DLGAP1: variants seen among roughly 807,000 people sequenced by gnomAD.
DLGAP1 encodes DLG associated protein 1.
DLGAP1 carries 11 observed loss-of-function variants against 90.8 expected under a neutral mutation model. The ratio of observed to expected loss-of-function variants is 0.12; its 90% CI spans 0.08 to 0.20. The LOEUF (loss-of-function observed/expected upper bound fraction) is 0.20. Among genes scored for constraint, DLGAP1 ranks in the 10% least tolerant of loss-of-function variants. DLGAP1 has a pLI of 1.00. For missense variants in DLGAP1, 1,050 were observed against 1,333.8 expected, an observed-to-expected ratio of 0.79 and a Z score of 3.31; for synonymous variants, 558 against 540.7, an observed-to-expected ratio of 1.03 and a Z score of -0.44.
At chr18:3,638,533 G>T (rs1028133994) in intron 7 of DLGAP1, among the ~76,000 whole-genome samples, 1 of 152,186 alleles carries the variant, frequency 6.6e-6, no homozygotes, top group South Asian at 2.1e-4. Flanking sequence ...TTACAGGTGT[G>T]AGCCAACATG....
intron 1 of DLGAP1, among the ~76,000 whole-genome samples, chr18:4,201,634 C>A (rs1218665800): frequency 6.6e-6 from 1 of 151,726 alleles, no homozygotes; most frequent in African/African-American, 2.4e-5. Context: ...AGAAAAAAAA[C>A]AAAGAATACC....
chr18:3,593,021 CG>C (rs1170540747), intron 7 of DLGAP1, among the ~76,000 whole-genome samples: 3 of 152,116 alleles, frequency 2.0e-5, no homozygotes, highest in Admixed American at 2.0e-4. Flanking sequence ...GAGCAGGCAA[CG>C]GACATCCCTA....
At chr18:4,102,368 A>C (rs1161585319) in intron 2 of DLGAP1, among the ~76,000 whole-genome samples, 1 of 152,192 alleles carries the variant, frequency 6.6e-6, no homozygotes, top group Non-Finnish European at 1.5e-5. Flanking sequence ...TAGTCATTTT[A>C]TTACAAGAGC....
intron 1 of DLGAP1, among the ~76,000 whole-genome samples, chr18:4,379,065 A>C (rs1032999161): frequency 2.0e-5 from 3 of 152,126 alleles, no homozygotes; most frequent in African/African-American, 7.2e-5. Context: ...CTCTCTTAAT[A>C]ATTTAACTAA....
intron 2 of DLGAP1, among the ~76,000 whole-genome samples, chr18:4,033,929 A>G (rs1415321120): frequency 1.3e-5 from 2 of 149,582 alleles, no homozygotes; most frequent in Non-Finnish European, 3.0e-5. Context: ...AGTAGAGACA[A>G]GGTTTCACTG....
intron 7 of DLGAP1, among the ~76,000 whole-genome samples, chr18:3,718,682 T>C (rs1405410861): frequency 6.6e-6 from 1 of 151,394 alleles, no homozygotes; most frequent in Non-Finnish European, 1.5e-5. Context: ...TCCCAGCACT[T>C]TGGGGGGTCG....
At chr18:3,981,032 T>C (rs947748380) in intron 3 of DLGAP1, among the ~76,000 whole-genome samples, 3 of 152,236 alleles carry the variant, frequency 2.0e-5, no homozygotes, top group Admixed American at 6.5e-5. Context: ...CTTTTTCATA[T>C]AGATTCTCAT....
At chr18:3,833,206 CT>C (rs1568210771) in intron 4 of DLGAP1, among the ~76,000 whole-genome samples, 10 of 20,930 alleles carry the variant, frequency 4.8e-4, no homozygotes, top group Non-Finnish European at 8.0e-4. Context: ...TCCTTCCTTC[CT>C]TCCTTCCTTC....
intron 1 of DLGAP1, among the ~76,000 whole-genome samples, chr18:4,207,087 C>T (rs1178008131): frequency 6.6e-6 from 1 of 152,086 alleles, no homozygotes; most frequent in African/African-American, 2.4e-5. Context: ...CTTCCATCAT[C>T]ATAGAAGAAA....
chr18:4,328,703 T>G (rs1308973555), intron 1 of DLGAP1, among the ~76,000 whole-genome samples: 2 of 151,986 alleles, frequency 1.3e-5, no homozygotes, highest in African/African-American at 4.8e-5. Flanking sequence ...CACTATCATT[T>G]ATTATTGCCA....
chr18:4,334,189 G>A (rs1263732252), intron 1 of DLGAP1, among the ~76,000 whole-genome samples: 3 of 151,632 alleles, frequency 2.0e-5, no homozygotes, highest in Non-Finnish European at 4.4e-5. Context: ...GGTGAGCCGA[G>A]ATCGCGTCAT....
At chr18:3,559,748 G>A (rs766932722) in intron 9 of DLGAP1, among the ~76,000 whole-genome samples, 50 of 150,392 alleles carry the variant, frequency 3.3e-4, no homozygotes, top group Non-Finnish European at 3.8e-4. Context: ...TCAGCCTCCC[G>A]AGTAGCTGGG....
chr18:4,163,731 T>C (rs576854720), intron 1 of DLGAP1, among the ~76,000 whole-genome samples: 29 of 152,356 alleles, frequency 1.9e-4, no homozygotes, highest in African/African-American at 7.0e-4. Context: ...GCTTCCATCA[T>C]GGATTGAAAG....
intron 4 of DLGAP1, among the ~76,000 whole-genome samples, chr18:3,819,182 T>G (rs1176087827): frequency 1.3e-5 from 2 of 151,936 alleles, no homozygotes; most frequent in African/African-American, 4.8e-5. Context: ...TGATGGTGGG[T>G]GCCTGTAATC....
intron 3 of DLGAP1, among the ~76,000 whole-genome samples, chr18:3,934,353 T>C (rs1166935335): frequency 6.6e-6 from 1 of 152,200 alleles, no homozygotes; most frequent in African/African-American, 2.4e-5. Context: ...CTTGCAAAGA[T>C]GAGTTAATTC....
intron 5 of DLGAP1, among the ~76,000 whole-genome samples, chr18:3,765,877 AT>A (rs1478455132): frequency 2.6e-5 from 4 of 152,164 alleles, no homozygotes; most frequent in Non-Finnish European, 5.9e-5. Context: ...AACACTATAA[AT>A]AAAAATAGAA....
intron 9 of DLGAP1, among the ~76,000 whole-genome samples, chr18:3,536,263 G>A (rs1247353706): frequency 7.8e-6 from 1 of 127,988 alleles, no homozygotes; most frequent in Non-Finnish European, 1.6e-5. Context: ...TTGCTCTGTT[G>A]CCCAGGCTGG....
intron 7 of DLGAP1, among the ~76,000 whole-genome samples, chr18:3,678,739 A>AT (rs768306628): frequency 6.6e-6 from 1 of 152,176 alleles, no homozygotes; most frequent in Non-Finnish European, 1.5e-5. Context: ...GCAGAATAGG[A>AT]TTTTTCCCTC....
intron 1 of DLGAP1, among the ~76,000 whole-genome samples, chr18:4,328,449 T>C (rs777071634): frequency 1.3e-5 from 2 of 151,990 alleles, no homozygotes; most frequent in African/African-American, 2.4e-5. Context: ...TATTCATCAG[T>C]TGATGGGCAC....
Sources: gnomAD v4.1 joint callset for allele counts (sites outside exome capture counted in the v4.1 genomes callset) on GRCh38, gnomAD v4.1.1 for gene constraint, MANE v1.5 for transcripts, NCBI Gene and HGNC (gene_info 2026-07-23, HGNC 2026-07-21) for gene names.